Variants in MSL1 observed in about 807,000 individuals in gnomAD.
MSL1 encodes MSL complex subunit 1.
A neutral mutation model predicts 64.6 loss-of-function variants in MSL1; 21 were observed. The ratio of observed to expected loss-of-function variants is 0.33; its 90% CI spans 0.23 to 0.47. MSL1 has a LOEUF of 0.47. Among genes scored for constraint, MSL1 ranks in the 20% least tolerant of loss-of-function variants. The probability of loss-of-function intolerance (pLI) is 1.00; values close to 1 mark genes in which losing one functional copy is unlikely to be tolerated. For missense variants in MSL1, 664 were observed against 793.2 expected (o/e 0.84, Z 1.96); for synonymous variants, 339 against 329.6 (o/e 1.03, Z -0.31).
intron 2 of MSL1, among the ~76,000 whole-genome samples, chr17:40,127,530 G>T (rs80299777): frequency 6.6e-6 from 1 of 152,084 alleles, no homozygotes; most frequent in African/African-American, 2.4e-5. Context: ...ACCCAGGCTG[G>T]GGTGCAAGTG....
At position 40,123,341 on chromosome 17, in the gene MSL1, G is replaced by A. The variant is rs1175202801; in HGVS notation, c.729G>A (p.Lys243=). The A allele has an allele frequency of 4.6e-6, 7 of 1,536,398 alleles. No homozygotes were observed. The highest frequency in any genetic ancestry group is 3.9e-5 in the Admixed American group (2 of 50,980). ...IEQQQQQLQA[K]EKEIEELKSE... ...AGCAGCAGCAGCAGCTGCAGGCCAA[G>A]GAAAAGGAGATCGAGGAGCTGAAGT... Residue 243 remains lysine (K), a synonymous_variant, in exon 1 of 9, where the codon AAG becomes AAA. Coordinates refer to ENST00000398532, the MANE Select transcript of MSL1 (RefSeq NM_001365919.1).
chr17:40,123,337 C>T lies in MSL1; in HGVS notation c.725C>T (p.Ala242Val). The T allele has an allele frequency of 6.5e-7, 1 of 1,536,356 alleles. No individual in the cohort carries two copies. Among genetic ancestry groups the T allele is most frequent in the Non-Finnish European group, 8.7e-7 (1 of 1,146,894 alleles). ...GAACAGCAGCAGCAGCAGCTGCAGG[C>T]CAAGGAAAAGGAGATCGAGGAGCTG... Reference protein sequence around the residue: ...LIEQQQQQLQAKEKEIEELKS... With the variant: ...LIEQQQQQLQVKEKEIEELKS... Residue 242 changes from alanine (A) to valine (V), a missense_variant, in exon 1 of 9, where the codon GCC becomes GTC. Physicochemically the swap from Ala to Val is moderately conservative, Grantham distance 64. This residue lies in a region of MSL1 where 466 missense variants were observed against 499.0 expected (regional missense o/e 0.93). Coordinates refer to ENST00000398532, the MANE Select transcript of MSL1 (RefSeq NM_001365919.1).
At position 40,129,512 on chromosome 17, in the gene MSL1, A is replaced by G. The variant is rs1598411926; in HGVS notation, c.1260A>G (p.Ile420Met). 5 of 1,613,968 alleles carry G rather than the reference A, an allele frequency of 3.1e-6. No individual in the cohort carries two copies. Among genetic ancestry groups the G allele is most frequent in the Non-Finnish European group, 4.2e-6 (5 of 1,179,888 alleles). ...HPKEKAFSSEIEDLPYLSTTE... is the reference protein window; with the variant it reads ...HPKEKAFSSEMEDLPYLSTTE... ...AGGAGAAAGCCTTCTCAAGTGAGAT[A>G]GAAGATTTGCCGTACCTTTCCACCA... is the stretch of plus-strand genomic sequence containing the variant. Residue 420 changes from isoleucine to methionine, a missense_variant, in exon 3 of 9, where the codon ATA (isoleucine) becomes ATG (methionine). Around this residue, in one of 4 missense-constraint regions of MSL1, gnomAD observed 119 missense variants for 164.3 expected, o/e 0.72. Coordinates refer to ENST00000398532, the MANE Select transcript of MSL1 (RefSeq NM_001365919.1).
At position 40,133,056 on chromosome 17, in the gene MSL1, T is replaced by C; in HGVS notation, c.1503T>C (p.Ser501=). 5 of 1,611,114 alleles carry C rather than the reference T, an allele frequency of 3.1e-6. No individual in the cohort carries two copies. Among genetic ancestry groups the C allele is most frequent in the Non-Finnish European group, 3.4e-6 (4 of 1,178,670 alleles). The change falls in exon 6 of 9, where the codon AGT becomes AGC. Residue 501 remains serine, a synonymous_variant. Transcript: ENST00000398532. ...TCTTTACACAGAACCTGGATGACAGTGTGTTTTCGAAGCGGCATGCAAAAC... is the reference window on the plus strand; with the variant it reads ...TCTTTACACAGAACCTGGATGACAGCGTGTTTTCGAAGCGGCATGCAAAAC... ...PSDLLENLDD[S]VFSKRHAKLE...
At chr17:40,126,680 C>T (rs1448334084) in intron 2 of MSL1, 17 of 327,956 alleles carry the variant, frequency 5.2e-5, no homozygotes, top group Non-Finnish European at 8.6e-5. Context: ...TGATGGCGGG[C>T]GCCTGTAGTC....
chr17:40,123,168 A>C lies in MSL1; in HGVS notation c.556A>C (p.Thr186Pro). 1 of 1,533,990 alleles carries C rather than the reference A, an allele frequency of 6.5e-7. No individual in the cohort carries two copies. Among genetic ancestry groups the C allele is most frequent in the South Asian group, 1.2e-5 (1 of 83,962 alleles). ...GCCCGGGCCGCCACCCCTCGCGCCC[A>C]CCGCCACCGCCGGGACCCTGGCGGC... Reference protein sequence around the residue: ...PLPGPPPLAPTATAGTLAASE... With the variant: ...PLPGPPPLAPPATAGTLAASE... Residue 186 changes from threonine (T) to proline (P), a missense_variant, in exon 1 of 9, where the codon ACC (threonine) becomes CCC (proline). Coordinates refer to ENST00000398532, the MANE Select transcript of MSL1 (RefSeq NM_001365919.1).
chr17:40,136,495 T>C lies in MSL1; in HGVS notation c.*2126T>C, dbSNP rs1389937426. On this transcript the variant is annotated 3_prime_UTR_variant, in exon 9 of 9. Transcript: ENST00000398532. ...AGTGTGTTAGAGTGTGGGGGGAAAA[T>C]TAGTCTTATTTTTCCCTACATGGGA... The C allele has an allele frequency of 6.6e-6, 1 of 152,296 alleles. No homozygotes were observed. The highest frequency in any genetic ancestry group is 1.5e-5 in the Non-Finnish European group (1 of 68,026). 9.4% of individuals were successfully genotyped at this position (152,296 alleles called of 1,614,324 possible).
intron 2 of MSL1, among the ~76,000 whole-genome samples, chr17:40,128,417 C>A (rs1316192796): frequency 6.8e-6 from 1 of 146,260 alleles, no homozygotes; most frequent in Admixed American, 6.8e-5. Flanking sequence ...CTCTGTCGCC[C>A]AGGCTGGAGT....
At position 40,133,807 on chromosome 17, in the gene MSL1, C is replaced by T. The variant is rs753604986; in HGVS notation, c.1682-20C>T. Reference sequence around the variant, plus strand: ...CCCATCTGTATTACTAATACGCTCCCGTTTGACTTTCTCCCATAGTTGAAA... The same window carrying T: ...CCCATCTGTATTACTAATACGCTCCTGTTTGACTTTCTCCCATAGTTGAAA... On this transcript the variant is annotated intron_variant, in intron 7 of 8. Coordinates refer to ENST00000398532, the MANE Select transcript of MSL1 (RefSeq NM_001365919.1). The T allele has an allele frequency of 2.1e-5, 34 of 1,613,326 alleles. No homozygotes were observed. Among genetic ancestry groups the T allele is most frequent in the Non-Finnish European group, 2.9e-5 (34 of 1,179,330 alleles).
rs1988547033 is a variant in MSL1, at chr17:40,136,737, T to C, written c.*2368T>C. On this transcript the variant is annotated 3_prime_UTR_variant, in exon 9 of 9. Transcript: ENST00000398532. The stretch of plus-strand genomic sequence containing the variant: ...TTTCTGATGTGTAAAATTGGTTGTC[T>C]TGTAAATATCTTATAAAGAGTTCAA... The C allele has an allele frequency of 6.6e-6, 1 of 152,380 alleles. No individual in the cohort carries two copies. Among genetic ancestry groups the C allele is most frequent in the South Asian group, 2.1e-4 (1 of 4,834 alleles). 9.4% of individuals were successfully genotyped at this position (152,380 alleles called of 1,614,324 possible).
chr17:40,122,970 G>T lies in MSL1; in HGVS notation c.358G>T (p.Ala120Ser). The change falls in exon 1 of 9, where the codon GCA becomes TCA. Residue 120 changes from alanine (A) to serine (S), a missense_variant. By Grantham distance (99) the Ala-to-Ser change is moderately conservative. Around this residue, in one of 4 missense-constraint regions of MSL1, gnomAD observed 466 missense variants for 499.0 expected, o/e 0.93. Transcript: ENST00000398532. This position sits in a 1 kb window ranked among gnomAD's most constrained non-coding sequence, Gnocchi z 4.2. Reference sequence around the variant, plus strand: ...AGCCGGCATTGGGGGGGAGCCTGCCGCAGCCGGAGCCGGCTGCAGCCCCCG... The same window carrying T: ...AGCCGGCATTGGGGGGGAGCCTGCCTCAGCCGGAGCCGGCTGCAGCCCCCG... ...KQAGIGGEPA[A>S]AGAGCSPRPK... is the part of the protein sequence containing the mutation. The T allele has an allele frequency of 6.5e-7, 1 of 1,526,788 alleles. No homozygotes were observed. The highest frequency in any genetic ancestry group is 8.7e-7 in the Non-Finnish European group (1 of 1,143,698). The allele number at this position is 1,526,788 out of a possible 1,614,324, so 94.6% of individuals were successfully genotyped here.
At chr17:40,128,123 G>A (rs563365900) in intron 2 of MSL1, among the ~76,000 whole-genome samples, 1 of 152,100 alleles carries the variant, frequency 6.6e-6, no homozygotes, top group Admixed American at 6.6e-5. Flanking sequence ...CTCCAAAAAA[G>A]TATTAAAATT....
At position 40,129,409 on chromosome 17, in the gene MSL1, C is replaced by G. The variant is rs200609232; in HGVS notation, c.1157C>G (p.Thr386Ser). The change falls in exon 3 of 9, where the codon ACC (threonine) becomes AGC (serine). Residue 386 changes from threonine (T) to serine (S), a missense_variant. Transcript: ENST00000398532. ...VCKRELRSQETPEKPRSSVDT... is the reference protein window; with the variant it reads ...VCKRELRSQESPEKPRSSVDT... ...AAACGTGAATTGAGGAGCCAAGAAA[C>G]CCCAGAAAAGCCCCGGTCTTCAGTG... The G allele has an allele frequency of 2.5e-6, 4 of 1,613,596 alleles. No homozygotes were observed. The highest frequency in any genetic ancestry group is 3.4e-6 in the Non-Finnish European group (4 of 1,179,800).
intron 3 of MSL1, 81 bp downstream of exon 3, chr17:40,129,708 TA>T (rs1281478609): frequency 4.1e-4 from 569 of 1,396,106 alleles, no homozygotes; most frequent in Non-Finnish European, 5.2e-4. Flanking sequence ...TTGGCATTTT[TA>T]AAAAAGTGCA....
At chr17:40,124,019 G>T (rs1988256006) in intron 1 of MSL1, among the ~76,000 whole-genome samples, 1 of 152,130 alleles carries the variant, frequency 6.6e-6, no homozygotes, top group Admixed American at 6.5e-5. Flanking sequence ...TTTGAAACTG[G>T]AAGATTTTAG....
chr17:40,128,215 C>T (rs1178251422), intron 2 of MSL1, among the ~76,000 whole-genome samples: 1 of 151,818 alleles, frequency 6.6e-6, no homozygotes, highest in Non-Finnish European at 1.5e-5. Context: ...TAGAGAATGC[C>T]AGCAGACAGT....
At chr17:40,130,515 G>A (rs1488916958) in intron 3 of MSL1, among the ~76,000 whole-genome samples, 1 of 152,136 alleles carries the variant, frequency 6.6e-6, no homozygotes, top group Non-Finnish European at 1.5e-5. Flanking sequence ...GGTTGGGGAG[G>A]CCTTCTAGGA....
At chr17:40,129,119 A>G in intron 2 of MSL1, 126 bp from the exon 3 acceptor site, 1 of 754,122 alleles carries the variant, frequency 1.3e-6, no homozygotes, top group Non-Finnish European at 2.1e-6. Flanking sequence ...CCAGACATTT[A>G]GGTACCTGAA....
In MSL1 at chr17:40,133,815, T is replaced by C; in HGVS notation, c.1682-12T>C. The C allele has an allele frequency of 6.2e-7, 1 of 1,613,838 alleles. No homozygotes were observed. The highest frequency in any genetic ancestry group is 1.7e-5 in the Admixed American group (1 of 60,018). On this transcript the variant is annotated splice_polypyrimidine_tract_variant and intron_variant, in intron 7 of 8. Transcript: ENST00000398532. Reference sequence around the variant, plus strand: ...TATTACTAATACGCTCCCGTTTGACTTTCTCCCATAGTTGAAAGTTTGATG... The same window carrying C: ...TATTACTAATACGCTCCCGTTTGACCTTCTCCCATAGTTGAAAGTTTGATG...
Sources: gnomAD v4.1 joint callset for allele counts (sites outside exome capture counted in the v4.1 genomes callset) on GRCh38, gnomAD v4.1.1 for gene constraint, gnomAD v4.1.1 regional missense constraint, Gnocchi (gnomAD v3.1) non-coding constraint, MANE v1.5 for transcripts, NCBI Gene and HGNC (gene_info 2026-07-23, HGNC 2026-07-21) for gene names.